Variants in GRIA4 observed in about 807,000 individuals in gnomAD.
The protein encoded by GRIA4 is glutamate receptor 4.
A neutral mutation model predicts 104.0 loss-of-function variants in GRIA4; 34 were observed. The ratio of observed to expected loss-of-function variants is 0.33; its 90% CI spans 0.25 to 0.44. GRIA4 has a LOEUF of 0.44. GRIA4 is among the 20% of genes least tolerant of loss of function. GRIA4 has a pLI of 1.00. For missense variants in GRIA4, 750 were observed against 1,096.5 expected, an observed-to-expected ratio of 0.68 and a Z score of 4.46; for synonymous variants, 386 against 381.9, an observed-to-expected ratio of 1.01 and a Z score of -0.13.
At chr11:105,794,328 A>T (rs1942354934) in intron 4 of GRIA4, among the ~76,000 whole-genome samples, 1 of 149,144 alleles carries the variant, frequency 6.7e-6, no homozygotes. Context: ...TGGAGTGAAA[A>T]CCCTGTGATA....
At chr11:105,751,003 A>T (rs906196801) in intron 3 of GRIA4, among the ~76,000 whole-genome samples, 1 of 152,168 alleles carries the variant, frequency 6.6e-6, no homozygotes, top group Non-Finnish European at 1.5e-5. Context: ...ACTTTAAAAG[A>T]TTATGTAAAT....
chr11:105,612,242 A>G, intron 2 of GRIA4, 34 bp from the exon 3 acceptor site: 1 of 1,607,042 alleles, frequency 6.2e-7, no homozygotes, highest in Non-Finnish European at 8.5e-7. Context: ...ACAAGAGGAA[A>G]CAGTGAATGT....
At chr11:105,955,945 C>T (rs1290885707) in intron 14 of GRIA4, among the ~76,000 whole-genome samples, 3 of 152,034 alleles carry the variant, frequency 2.0e-5, no homozygotes, top group Non-Finnish European at 4.4e-5. Context: ...TGTTCATGTG[C>T]TTTGCCCAAT....
chr11:105,873,699 T>C (rs1271437366), intron 5 of GRIA4, among the ~76,000 whole-genome samples: 1 of 152,196 alleles, frequency 6.6e-6, no homozygotes, highest in African/African-American at 2.4e-5. Context: ...TTCATGTTTC[T>C]TGGCCACAAA....
intron 13 of GRIA4, among the ~76,000 whole-genome samples, chr11:105,932,283 C>T (rs1947900314): frequency 6.6e-6 from 1 of 152,022 alleles, no homozygotes; most frequent in Non-Finnish European, 1.5e-5. Flanking sequence ...GGACTACAGG[C>T]ATGCGCTGCT....
At chr11:105,672,641 C>T (rs1350995546) in intron 3 of GRIA4, among the ~76,000 whole-genome samples, 1 of 152,026 alleles carries the variant, frequency 6.6e-6, no homozygotes, top group Admixed American at 6.6e-5. Flanking sequence ...CAGTATTAAT[C>T]CGTATTTCCA....
At chr11:105,839,161 C>T (rs1464489153) in intron 4 of GRIA4, among the ~76,000 whole-genome samples, 1 of 152,074 alleles carries the variant, frequency 6.6e-6, no homozygotes, top group African/African-American at 2.4e-5. Flanking sequence ...ACAGTTTCTA[C>T]TAACTCTGGA....
At chr11:105,623,053 G>GTATATATATATATATA (rs58596312) in intron 3 of GRIA4, among the ~76,000 whole-genome samples, 5 of 127,688 alleles carry the variant, frequency 3.9e-5, no homozygotes, top group Admixed American at 7.6e-5. Flanking sequence ...GTATTCCATT[G>GTATATATATATATATA]TATATATATA....
At chr11:105,829,356 A>G (rs551707625) in intron 4 of GRIA4, among the ~76,000 whole-genome samples, 1 of 152,124 alleles carries the variant, frequency 6.6e-6, no homozygotes, top group South Asian at 2.1e-4. Flanking sequence ...GGAGTCAAGA[A>G]AAGAAGTATC....
At chr11:105,977,383 C>A (rs1859036447) in intron 16 of GRIA4, among the ~76,000 whole-genome samples, 1 of 151,930 alleles carries the variant, frequency 6.6e-6, no homozygotes, top group Non-Finnish European at 1.5e-5. Flanking sequence ...TTTGGGGACT[C>A]TTTCAAAGAT....
At chr11:105,796,754 T>C (rs1375554585) in intron 4 of GRIA4, among the ~76,000 whole-genome samples, 2 of 152,174 alleles carry the variant, frequency 1.3e-5, no homozygotes, top group African/African-American at 4.8e-5. Flanking sequence ...TCCATAACAT[T>C]TAAAAGATTA....
intron 6 of GRIA4, among the ~76,000 whole-genome samples, chr11:105,888,507 C>A (rs1331297773): frequency 6.6e-6 from 1 of 151,448 alleles, no homozygotes; most frequent in Non-Finnish European, 1.5e-5. Context: ...GGGATGGTCT[C>A]GATCTCCTGA....
intron 3 of GRIA4, among the ~76,000 whole-genome samples, chr11:105,720,644 C>T (rs1419570419): frequency 6.6e-6 from 1 of 152,124 alleles, no homozygotes; most frequent in Non-Finnish European, 1.5e-5. Context: ...TTTGCTTGAT[C>T]CCTTAGACGT....
chr11:105,717,181 T>C (rs1954120847), intron 3 of GRIA4, among the ~76,000 whole-genome samples: 1 of 152,138 alleles, frequency 6.6e-6, no homozygotes, highest in Admixed American at 6.6e-5. Flanking sequence ...TAAGAATTCC[T>C]GAAATCCCAG....
chr11:105,673,236 C>T (rs1239238073), intron 3 of GRIA4, among the ~76,000 whole-genome samples: 1 of 152,098 alleles, frequency 6.6e-6, no homozygotes, highest in African/African-American at 2.4e-5. Context: ...ATTGTCCCCA[C>T]ATCCTAAGTT....
At chr11:105,839,036 G>A (rs10895878) in intron 4 of GRIA4, among the ~76,000 whole-genome samples, 93 of 152,136 alleles carry the variant, frequency 6.1e-4, no homozygotes, top group Non-Finnish European at 7.9e-4. Context: ...CTGTTTAGAT[G>A]CACAGGGCCT....
chr11:105,790,817 G>A (rs1011633997), intron 4 of GRIA4, among the ~76,000 whole-genome samples: 17 of 152,308 alleles, frequency 1.1e-4, no homozygotes, highest in African/African-American at 4.1e-4. Context: ...TCTGGAAAAT[G>A]CGAGTTAAAA....
intron 4 of GRIA4, among the ~76,000 whole-genome samples, chr11:105,784,687 C>A (rs1941879640): frequency 6.6e-6 from 1 of 152,082 alleles, no homozygotes; most frequent in African/African-American, 2.4e-5. Context: ...CACAAGTATG[C>A]AAATTTAAAA....
chr11:105,765,379 T>C (rs989433065), intron 4 of GRIA4, among the ~76,000 whole-genome samples: 1 of 152,202 alleles, frequency 6.6e-6, no homozygotes, highest in African/African-American at 2.4e-5. Context: ...TCAACAACAA[T>C]AGCAAAGGTT....
Sources: gnomAD v4.1 joint callset for allele counts (sites outside exome capture counted in the v4.1 genomes callset) on GRCh38, gnomAD v4.1.1 for gene constraint, MANE v1.5 for transcripts, NCBI Gene and HGNC (gene_info 2026-07-23, HGNC 2026-07-21) for gene names.